The following PAXBP1 variants were observed in gnomAD, a reference collection of about 807,000 sequenced individuals.
PAXBP1 encodes PAX3 and PAX7 binding protein 1, also known as PAX3- and PAX7-binding protein 1.
PAXBP1 carries 44 observed loss-of-function variants against 119.9 expected under a neutral mutation model. The ratio of observed to expected loss-of-function variants is 0.37; its 90% CI spans 0.29 to 0.47. The LOEUF (loss-of-function observed/expected upper bound fraction) is 0.47, where lower values mean the gene tolerates loss of function less well. Among genes scored for constraint, PAXBP1 ranks in the 20% least tolerant of loss-of-function variants. PAXBP1 has a pLI of 0.99. For synonymous variants in PAXBP1, 393 were observed against 406.6 expected, an observed-to-expected ratio of 0.97 and a Z score of 0.40; for missense variants, 898 against 1,134.1, an observed-to-expected ratio of 0.79 and a Z score of 2.99.
rs1194900015 is a variant in PAXBP1 at position 32,738,265 on chromosome 21, C to G, written c.2389G>C (p.Glu797Gln). 2 of 1,601,282 alleles carry G rather than the reference C, an allele frequency of 1.2e-6. No individual in the cohort carries two copies. The highest frequency in any genetic ancestry group is 1.7e-6 in the Non-Finnish European group (2 of 1,176,838). ...TTTAATAAACCATCTATTGATAACT[C>G]TTGCAGAGTTTTATTTGAGAAAATG... The part of the protein sequence containing the change: ...YGIFSNKTLQ[E>Q]LSIDGLLNRY... The change falls in exon 16 of 18, where the codon GAG (glutamate) becomes CAG (glutamine). Residue 797 changes from glutamate (E) to glutamine (Q), a missense_variant. Glu to Gln is a conservative substitution (Grantham distance 29). Coordinates refer to ENST00000331923, the MANE Select transcript of PAXBP1 (RefSeq NM_016631.4).
chr21:32,765,501 G>C (rs2044226146), intron 2 of PAXBP1, among the ~76,000 whole-genome samples: 1 of 152,144 alleles, frequency 6.6e-6, no homozygotes, highest in Non-Finnish European at 1.5e-5. Context: ...TATACTGAAA[G>C]AGTAAAGCAA....
chr21:32,764,321 TTC>T (rs777461076), intron 3 of PAXBP1, 25 bp downstream of exon 3: 1 of 1,609,476 alleles, frequency 6.2e-7, no homozygotes, highest in Non-Finnish European at 8.5e-7. Context: ...TTTAGTTTAG[TTC>T]TGAGAAATAC....
chr21:32,759,349 T>C (rs922870172), intron 6 of PAXBP1, 80 bp from the exon 7 acceptor site: 24 of 1,255,912 alleles, frequency 1.9e-5, no homozygotes, highest in Non-Finnish European at 2.3e-5. Context: ...TATTAAAATA[T>C]GCATTTAGCT....
Position 32,737,415 on chromosome 21 carries a change from A to C in PAXBP1, c.2482-7T>G, listed in dbSNP as rs376033585. ...TGGGGAAACAATTGATTACCTGTGG[A>C]GAAGAAAGACGTAAAATAAAATAGT... On this transcript the variant is annotated splice_polypyrimidine_tract_variant and splice_region_variant and intron_variant, in intron 16 of 17. Coordinates refer to ENST00000331923, the MANE Select transcript of PAXBP1 (RefSeq NM_016631.4). 1.0e-4 allele frequency: 162 copies of C among 1,590,260 alleles called. No homozygotes were observed. The highest frequency in any genetic ancestry group is 1.3e-4 in the Non-Finnish European group (153 of 1,170,328).
intron 10 of PAXBP1, among the ~76,000 whole-genome samples, chr21:32,749,399 G>A (rs920351558): frequency 6.6e-6 from 1 of 151,870 alleles, no homozygotes; most frequent in African/African-American, 2.4e-5. Flanking sequence ...TTCATCATGT[G>A]AGCCAGGCTG....
At chr21:32,738,382 TAC>T in intron 15 of PAXBP1, 63 bp from the exon 16 acceptor site, 1 of 1,369,678 alleles carries the variant, frequency 7.3e-7, no homozygotes, top group Non-Finnish European at 9.9e-7. Context: ...GTAAATAAGT[TAC>T]ATAGTAAAAC....
At chr21:32,737,179 C>G (rs1239552976) in intron 17 of PAXBP1, 75 bp downstream of exon 17, 1 of 1,145,600 alleles carries the variant, frequency 8.7e-7, no homozygotes. Context: ...ATAAACATCT[C>G]TACTTAAAAC....
chr21:32,745,475 AT>A, intron 12 of PAXBP1, 98 bp downstream of exon 12: 1 of 1,504,044 alleles, frequency 6.6e-7, no homozygotes, highest in Non-Finnish European at 9.1e-7. Flanking sequence ...TTCTCATGTA[AT>A]TTCTATAAGG....
In PAXBP1 at chr21:32,743,289, G is replaced by A; in HGVS notation, c.2293C>T (p.Pro765Ser). ...AACTGTCGTTGAAAAAACAAGTAAGGCCCAGAATTTTTATTTTCTAAGACA... is the reference window on the plus strand; with the variant it reads ...AACTGTCGTTGAAAAAACAAGTAAGACCCAGAATTTTTATTTTCTAAGACA... ...KNVLENKNSG[P>S]YLFFQRQFWS... Residue 765 changes from proline (P) to serine (S), a missense_variant, in exon 15 of 18, where the codon CCT becomes TCT. Pro to Ser is a moderately conservative substitution (Grantham distance 74). Around this residue, in one of 2 missense-constraint regions of PAXBP1, gnomAD observed 599 missense variants for 852.7 expected, o/e 0.70. Transcript: ENST00000331923. The A allele has an allele frequency of 6.4e-7, 1 of 1,574,198 alleles. No individual in the cohort carries two copies. Among genetic ancestry groups the A allele is most frequent in the Non-Finnish European group, 8.6e-7 (1 of 1,168,530 alleles).
intron 5 of PAXBP1, among the ~76,000 whole-genome samples, chr21:32,760,214 CAG>C (rs1465558408): frequency 1.3e-5 from 2 of 152,074 alleles, no homozygotes; most frequent in East Asian, 3.9e-4. Context: ...TTCAGAAAAA[CAG>C]AGTTCAGAGT....
At chr21:32,753,438 A>C (rs189517416) in intron 8 of PAXBP1, among the ~76,000 whole-genome samples, 1,801 of 151,794 alleles carry the variant, frequency 0.012, 41 homozygotes, top group African/African-American at 0.04. Context: ...AAAAAAAAAA[A>C]AAAAAAAAAC....
intron 14 of PAXBP1, 103 bp downstream of exon 14, chr21:32,743,575 C>T: frequency 1.1e-6 from 1 of 883,828 alleles, no homozygotes; most frequent in Non-Finnish European, 1.8e-6. Flanking sequence ...TAATACACTA[C>T]ATGGGTGAAG....
chr21:32,741,259 A>C (rs1002403577), intron 15 of PAXBP1: 2 of 304,752 alleles, frequency 6.6e-6, no homozygotes, highest in Admixed American at 4.5e-5. Context: ...GTTCATAACC[A>C]AATTGGAAAT....
chr21:32,763,737 G>A (rs2044190239), intron 3 of PAXBP1, among the ~76,000 whole-genome samples: 1 of 152,168 alleles, frequency 6.6e-6, no homozygotes, highest in Non-Finnish European at 1.5e-5. Context: ...TGTAATCCCA[G>A]CACTTTGGGA....
At chr21:32,769,694 A>G (rs986219090) in intron 2 of PAXBP1, 120 bp downstream of exon 2, 6 of 942,450 alleles carry the variant, frequency 6.4e-6, no homozygotes, top group South Asian at 1.6e-5. Flanking sequence ...CTGCTACTCA[A>G]TAAGGGCCCT....
rs781461034 is a variant in PAXBP1, at chr21:32,759,234, C to T, written c.1229G>A (p.Arg410Gln). ...TTGCAGATGTTTCTCATGCTGCTGT[C>T]GATTTGTTTTGTGCAATTCTTTCAT... is the stretch of plus-strand genomic sequence containing the variant. ...DSMKELHKTN[R>Q]QQHEKHLQSR... The change falls in exon 7 of 18, where the codon CGA (arginine) becomes CAA (glutamine). Residue 410 changes from arginine (R) to glutamine (Q), a missense_variant. Arg to Gln is a conservative substitution (Grantham distance 43). Around this residue, in one of 2 missense-constraint regions of PAXBP1, gnomAD observed 599 missense variants for 852.7 expected, o/e 0.70. Transcript: ENST00000331923. 16 of 1,613,692 alleles carry T rather than the reference C, an allele frequency of 9.9e-6. No individual in the cohort carries two copies. Among genetic ancestry groups the T allele is most frequent in the African/African-American group, 1.3e-5 (1 of 74,864 alleles).
intron 2 of PAXBP1, among the ~76,000 whole-genome samples, chr21:32,765,059 G>C (rs889894250): frequency 2.0e-5 from 3 of 152,126 alleles, no homozygotes; most frequent in African/African-American, 7.2e-5. Context: ...CACCTAAAGA[G>C]ATGAGATCCC....
In PAXBP1 at chr21:32,734,878, A is replaced by C; in HGVS notation, c.*72T>G. The C allele has an allele frequency of 2.7e-6, 3 of 1,116,296 alleles. No individual in the cohort carries two copies. The highest frequency in any genetic ancestry group is 4.1e-6 in the Non-Finnish European group (3 of 733,950). The allele number at this position is 1,116,296 out of a possible 1,614,324, so 69.1% of individuals were successfully genotyped here. A position where few individuals can be genotyped will look rare whatever the true frequency, so the allele number is the denominator to read the frequency against. ...AGAATTGCTATTTTACAGTTTAAGA[A>C]ACTTTACATATATACAAAATTTACA... On this transcript the variant is annotated 3_prime_UTR_variant, in exon 18 of 18. Transcript: ENST00000331923.
At chr21:32,746,229 AC>A (rs1299279887) in intron 11 of PAXBP1, among the ~76,000 whole-genome samples, 5 of 152,228 alleles carry the variant, frequency 3.3e-5, no homozygotes, top group African/African-American at 1.2e-4. Flanking sequence ...CGACAAAAAC[AC>A]CAAAAGCAAC....
Sources: gnomAD v4.1 joint callset for allele counts (sites outside exome capture counted in the v4.1 genomes callset) on GRCh38, gnomAD v4.1.1 for gene constraint, gnomAD v4.1.1 regional missense constraint, MANE v1.5 for transcripts, NCBI Gene and HGNC (gene_info 2026-07-23, HGNC 2026-07-21) for gene names.